SLC25A48: variants seen among roughly 807,000 people sequenced by gnomAD.
The protein encoded by SLC25A48 is solute carrier family 25 member 48.
In SLC25A48, 29 loss-of-function variants were observed where a neutral mutation model predicts 32.2. The ratio of observed to expected loss-of-function variants is 0.90; its 90% CI spans 0.67 to 1.23. SLC25A48 has a LOEUF of 1.23. Among genes scored for constraint, SLC25A48 ranks in the 50% most tolerant of loss-of-function variants. The pLI is 0.00. For synonymous variants in SLC25A48, 164 were observed against 172.3 expected (o/e 0.95, Z 0.38); for missense variants, 399 against 422.7 (o/e 0.94, Z 0.49).
chr5:135,651,273 A>C (rs539460624), intron 3 of SLC25A48, among the ~76,000 whole-genome samples: 9 of 152,114 alleles, frequency 5.9e-5, no homozygotes, highest in Admixed American at 2.6e-4. Flanking sequence ...TTGAGCTCCT[A>C]TAGTGCCCAG....
intron 3 of SLC25A48, among the ~76,000 whole-genome samples, chr5:135,718,239 C>T (rs991942037): frequency 5.3e-5 from 8 of 152,158 alleles, no homozygotes; most frequent in African/African-American, 1.9e-4. Context: ...GGCTCCCCAG[C>T]AGGCTTTACT....
Position 135,754,527 on chromosome 5 carries a change from TATC to T in SLC25A48, c.-520-57993_-520-57991del, listed in dbSNP as rs564495719. ...AAATATCACTCTGATATTAATAAAG[TATC>T]ATTCTGATATAATATCCAATGATTA... On this transcript the variant is annotated intron_variant, in intron 3 of 10. Transcript: ENST00000646290. 3.1e-3 allele frequency among the ~76,000 whole-genome samples: 476 copies of T among 152,042 alleles called. 2 individuals carry two copies. Among genetic ancestry groups the T allele is most frequent in the Non-Finnish European group, 5.6e-3 (381 of 67,930 alleles).
At chr5:135,644,707 C>T (rs1035208632) in intron 3 of SLC25A48, among the ~76,000 whole-genome samples, 4 of 152,132 alleles carry the variant, frequency 2.6e-5, no homozygotes, top group Non-Finnish European at 5.9e-5. Context: ...CAAAGCCATG[C>T]TCTTTGCACA....
At position 135,861,673 on chromosome 5, in the gene SLC25A48, T is replaced by TAAAA. The variant is rs1760809081; in HGVS notation, c.421+8853_421+8854insAAAA. On this transcript the variant is annotated intron_variant, in intron 4 of 7. Transcript: ENST00000681962. ...GTTTTTCCTCTTTTAAAAATAGTGGTATGATCAGCGAATATATTCATAAAG... is the reference window on the plus strand; with the variant it reads ...GTTTTTCCTCTTTTAAAAATAGTGGTAAAAATGATCAGCGAATATATTCATAAAG... Among the ~76,000 whole-genome samples the TAAAA allele has an allele frequency of 5.3e-5, 8 of 152,354 alleles. No individual in the cohort carries two copies. In the South Asian group the frequency reaches 1.7e-3, roughly 32 times the overall value.
At chr5:135,688,096 C>CT (rs940529059) in intron 3 of SLC25A48, among the ~76,000 whole-genome samples, 16 of 85,618 alleles carry the variant, frequency 1.9e-4, no homozygotes, top group African/African-American at 6.5e-4. Flanking sequence ...TTTCACTACT[C>CT]TAAGTACCTC....
chr5:135,839,661 G>A (rs550167923), intron 1 of SLC25A48, among the ~76,000 whole-genome samples: 1 of 152,178 alleles, frequency 6.6e-6, no homozygotes, highest in East Asian at 1.9e-4. Context: ...GGCCAGGAGT[G>A]GAATGATATA....
chr5:135,874,278 C>G, intron 6 of SLC25A48, 124 bp downstream of exon 6: 2 of 1,194,418 alleles, frequency 1.7e-6, no homozygotes, highest in African/African-American at 3.2e-5. Context: ...GATTATGTAT[C>G]AGGTGCCACA....
At position 135,852,242 on chromosome 5, in the gene SLC25A48, G is replaced by A. The variant is rs76566196; in HGVS notation, c.163-321G>A. 3.9e-4 allele frequency among the ~76,000 whole-genome samples: 59 copies of A among 152,292 alleles called. 1 individual carries two copies. In the East Asian group the frequency reaches 9.7e-3, roughly 25 times the overall value. ...GCCCACTGCTCCTAAGGTCTCCTCA[G>A]GATCCCCCTTGGCCACAGCCTGACT... is the stretch of plus-strand genomic sequence containing the variant. On this transcript the variant is annotated intron_variant, in intron 3 of 7. Transcript: ENST00000681962.
intron 3 of SLC25A48, among the ~76,000 whole-genome samples, chr5:135,646,481 C>T: frequency 6.6e-6 from 1 of 151,942 alleles, no homozygotes; most frequent in East Asian, 1.9e-4. Flanking sequence ...AGGATGTCTA[C>T]AGCTTTGGCC....
Position 135,820,475 on chromosome 5 carries a change from A to G in SLC25A48, c.-117+7549A>G, listed in dbSNP as rs745497121. Among the ~76,000 whole-genome samples, 46 of 152,354 alleles carry G rather than the reference A, an allele frequency of 3.0e-4. 1 individual carries two copies. The highest frequency in any genetic ancestry group is 1.9e-3 in the Admixed American group (29 of 15,302). On this transcript the variant is annotated intron_variant, in intron 4 of 10. Transcript: ENST00000646290. ...AGGTTGTTATTTGGTGTATAAATTC[A>G]TGAACAGCACACTTTACGGTGTATA...
intron 3 of SLC25A48, among the ~76,000 whole-genome samples, chr5:135,771,589 G>T (rs960016015): frequency 2.7e-4 from 41 of 151,602 alleles, no homozygotes; most frequent in Non-Finnish European, 3.5e-4. Flanking sequence ...ATATCTAGGG[G>T]GGAAGAGAAT....
In SLC25A48 at chr5:135,770,128, G is replaced by T. The variant is rs1048483251; in HGVS notation, c.-520-42395G>T. ...ATTATTCCTAATATTGCAAGGGATT[G>T]TTCACCCACCCTGTAACATTTTCCT... On this transcript the variant is annotated intron_variant, in intron 3 of 10. Transcript: ENST00000646290. Among the ~76,000 whole-genome samples the T allele has an allele frequency of 5.2e-4, 79 of 151,080 alleles. 1 individual carries two copies. Among genetic ancestry groups the T allele is most frequent in the Middle Eastern group, 3.2e-3 (1 of 314 alleles).
rs1167258237 is a variant in SLC25A48 at position 135,740,956 on chromosome 5, A to G, written c.-520-71567A>G. On this transcript the variant is annotated intron_variant, in intron 3 of 10. Coordinates refer to the SLC25A48 transcript ENST00000646290. Reference sequence around the variant, plus strand: ...TGTACTTTGGGTGGGCTACAAACTCATCTCTAAGGCAGATAAAATCATCAT... The same window carrying G: ...TGTACTTTGGGTGGGCTACAAACTCGTCTCTAAGGCAGATAAAATCATCAT... Among the ~76,000 whole-genome samples, 3 of 152,230 alleles carry G rather than the reference A, an allele frequency of 2.0e-5. No homozygotes were observed. The South Asian group carries it at 6.2e-4, about 32-fold the overall frequency.
In SLC25A48 at chr5:135,773,223, G is replaced by A. The variant is rs1362608174; in HGVS notation, c.-520-39300G>A. Among the ~76,000 whole-genome samples the A allele has an allele frequency of 2.0e-5, 3 of 151,666 alleles. No homozygotes were observed. In the East Asian group the frequency reaches 5.8e-4, roughly 29 times the overall value. ...GATATTGTTCTTAATATTATTGGAA[G>A]GAGAGTATGATATTACGCCCAATAT... On this transcript the variant is annotated intron_variant, in intron 3 of 10. Coordinates refer to the SLC25A48 transcript ENST00000646290.
chr5:135,652,513 G>T, intron 3 of SLC25A48: 1 of 452,410 alleles, frequency 2.2e-6, no homozygotes, highest in Non-Finnish European at 4.4e-6. Context: ...GAATTAACAG[G>T]TCTCACTATA....
At chr5:135,622,209 A>T (rs541036639) in intron 1 of SLC25A48, among the ~76,000 whole-genome samples, 1 of 152,342 alleles carries the variant, frequency 6.6e-6, no homozygotes, top group Non-Finnish European at 1.5e-5. Context: ...TGAAGTGGGC[A>T]CTTTGATATT....
intron 3 of SLC25A48, among the ~76,000 whole-genome samples, chr5:135,748,404 G>A (rs1171905899): frequency 6.6e-6 from 1 of 152,106 alleles, no homozygotes; most frequent in Non-Finnish European, 1.5e-5. Context: ...CTCCCAAGTA[G>A]CTGGGACTCA....
intron 3 of SLC25A48, among the ~76,000 whole-genome samples, chr5:135,637,257 C>T (rs908627172): frequency 1.3e-5 from 2 of 152,162 alleles, no homozygotes; most frequent in African/African-American, 4.8e-5. Context: ...TGGAGTTGAA[C>T]CAGAGGAGGA....
At chr5:135,684,349 G>A (rs1459913066) in intron 3 of SLC25A48, among the ~76,000 whole-genome samples, 3 of 152,012 alleles carry the variant, frequency 2.0e-5, no homozygotes, top group African/African-American at 7.3e-5. Context: ...TTAGTTCTAG[G>A]GACCTAGACT....
Sources: gnomAD v4.1 joint callset for allele counts (sites outside exome capture counted in the v4.1 genomes callset) on GRCh38, gnomAD v4.1.1 for gene constraint, MANE v1.5 for transcripts, NCBI Gene and HGNC (gene_info 2026-07-23, HGNC 2026-07-21) for gene names.